PIK3CG: variants seen among roughly 807,000 people sequenced by gnomAD.
PIK3CG encodes the protein phosphatidylinositol-4,5-bisphosphate 3-kinase catalytic subunit gamma.
PIK3CG carries 55 observed loss-of-function variants against 102.3 expected under a neutral mutation model. The ratio of observed to expected loss-of-function variants is 0.54; its 90% CI spans 0.43 to 0.67. The LOEUF is 0.67. PIK3CG is among the 30% of genes least tolerant of loss of function. PIK3CG has a pLI of 0.00. For synonymous variants in PIK3CG, 552 were observed against 540.0 expected (o/e 1.02, Z -0.31); for missense variants, 1,258 against 1,391.8 (o/e 0.90, Z 1.53).
At chr7:106,896,860 CT>C (rs1010803346) in intron 10 of PIK3CG, among the ~76,000 whole-genome samples, 13 of 152,186 alleles carry the variant, frequency 8.5e-5, no homozygotes, top group African/African-American at 3.1e-4. Flanking sequence ...GATGTGTACC[CT>C]GCCCAGCCTT....
intron 10 of PIK3CG, among the ~76,000 whole-genome samples, chr7:106,901,280 G>A (rs1470611603): frequency 1.7e-5 from 2 of 121,000 alleles, no homozygotes; most frequent in African/African-American, 6.2e-5. Context: ...CTTTATTTTT[G>A]TCTGACTGTC....
At position 106,906,925 on chromosome 7, in the gene PIK3CG, T is replaced by C; in HGVS notation, c.*1538T>C. Reference sequence around the variant, plus strand: ...ACAGGGACACTTTTTAAAAACACTCTTATCAGCCTGGGCAACACAGTGAGA... The same window carrying C: ...ACAGGGACACTTTTTAAAAACACTCCTATCAGCCTGGGCAACACAGTGAGA... On this transcript the variant is annotated 3_prime_UTR_variant, in exon 11 of 11. Transcript: ENST00000496166. The C allele has an allele frequency of 4.4e-6, 1 of 225,430 alleles. No individual in the cohort carries two copies. The highest frequency in any genetic ancestry group is 8.8e-6 in the Non-Finnish European group (1 of 113,590). The allele number at this position is 225,430 out of a possible 1,614,324, so 14.0% of individuals were successfully genotyped here. A position where few individuals can be genotyped will look rare whatever the true frequency, so the allele number is the denominator to read the frequency against.
At position 106,892,724 on chromosome 7, in the gene PIK3CG, A is replaced by G. The variant is rs1791296113; in HGVS notation, c.3030+6432A>G. 6.6e-6 allele frequency among the ~76,000 whole-genome samples: 1 copy of G among 152,196 alleles called. No homozygotes were observed. Among genetic ancestry groups the G allele is most frequent in the Non-Finnish European group, 1.5e-5 (1 of 68,032 alleles). The stretch of plus-strand genomic sequence containing the variant: ...TAAGAGTGTCCACAGTGGTTTGCAG[A>G]GGGAGCAATTAATCCTGCCCTAGAG... On this transcript the variant is annotated intron_variant, in intron 10 of 10. Coordinates refer to ENST00000496166, the MANE Select transcript of PIK3CG (RefSeq NM_001282426.2). This position sits in a 1 kb window ranked among gnomAD's most constrained non-coding sequence, Gnocchi z 5.2.
chr7:106,887,410 T>C (rs1791130484), intron 10 of PIK3CG, among the ~76,000 whole-genome samples: 1 of 152,204 alleles, frequency 6.6e-6, no homozygotes, highest in Non-Finnish European at 1.5e-5. Context: ...CCTGAGTCTC[T>C]TCTTGAGTCC....
rs1356495027 is a variant in PIK3CG, at chr7:106,867,837, A to G, written c.276A>G (p.Gly92=). 1.2e-6 allele frequency: 2 copies of G among 1,612,606 alleles called. No individual in the cohort carries two copies. The highest frequency in any genetic ancestry group is 1.7e-6 in the Non-Finnish European group (2 of 1,179,964). Residue 92 remains glycine, a synonymous_variant, in exon 2 of 11, where the codon GGA becomes GGG. Coordinates refer to ENST00000496166, the MANE Select transcript of PIK3CG (RefSeq NM_001282426.2). This position sits in a 1 kb window ranked among gnomAD's most constrained non-coding sequence, Gnocchi z 5.1. ...SVAADFYHRL[G]PHHFLLLYQK... ...CGGCGGACTTCTACCACCGGCTGGGACCGCATCACTTCCTCCTGCTCTATC... is the reference window on the plus strand; with the variant it reads ...CGGCGGACTTCTACCACCGGCTGGGGCCGCATCACTTCCTCCTGCTCTATC...
intron 1 of PIK3CG, chr7:106,865,874 T>C (rs1790262897): frequency 6.6e-6 from 1 of 152,224 alleles, no homozygotes; most frequent in Non-Finnish European, 1.5e-5. Flanking sequence ...CTGCCTAAAT[T>C]TGGACATGTT....
chr7:106,879,792 ACAT>A lies in PIK3CG; in HGVS notation c.2538+131_2538+133del. 1 of 726,052 alleles carries A rather than the reference ACAT, an allele frequency of 1.4e-6. No individual in the cohort carries two copies. The highest frequency in any genetic ancestry group is 2.3e-6 in the Non-Finnish European group (1 of 444,282). 45.0% of individuals were successfully genotyped at this position (726,052 alleles called of 1,614,324 possible). Reference sequence around the variant, plus strand: ...AAGTGATGAATTGTGATCAAATATTACATCATAGAGAGTTTTCACTTGGGGAAT... The same window carrying A: ...AAGTGATGAATTGTGATCAAATATTACATAGAGAGTTTTCACTTGGGGAAT... On this transcript the variant is annotated intron_variant, in intron 6 of 10. Coordinates refer to ENST00000496166, the MANE Select transcript of PIK3CG (RefSeq NM_001282426.2). The surrounding 1 kb of genome is among the most constrained non-coding windows in gnomAD (Gnocchi z 4.9).
chr7:106,874,816 T>G lies in PIK3CG; in HGVS notation c.2391+13T>G. On this transcript the variant is annotated intron_variant, in intron 5 of 10. Transcript: ENST00000496166. The surrounding 1 kb of genome is among the most constrained non-coding windows in gnomAD (Gnocchi z 4.3). ...AGGAGCGCTGGCAGTAGGTATCACT[T>G]GGATGTCTCCATGTGGTCTTTATGT... 1 of 1,548,350 alleles carries G rather than the reference T, an allele frequency of 6.5e-7. No individual in the cohort carries two copies. The highest frequency in any genetic ancestry group is 8.9e-7 in the Non-Finnish European group (1 of 1,120,836).
intron 10 of PIK3CG, among the ~76,000 whole-genome samples, chr7:106,904,388 G>T (rs969004708): frequency 1.3e-5 from 2 of 152,040 alleles, no homozygotes; most frequent in African/African-American, 4.8e-5. Flanking sequence ...TTATTCTCAT[G>T]TTGTAAAATT....
rs1485733521 is a variant in PIK3CG at position 106,880,061 on chromosome 7, C to A, written c.2538+396C>A. ...TTTTAGATACATCTCCTCTGATGCA[C>A]ATAAACAAATCAAGCAAATGATTTT... On this transcript the variant is annotated intron_variant, in intron 6 of 10. Coordinates refer to ENST00000496166, the MANE Select transcript of PIK3CG (RefSeq NM_001282426.2). The surrounding 1 kb of genome is among the most constrained non-coding windows in gnomAD (Gnocchi z 4.2). Among the ~76,000 whole-genome samples the A allele has an allele frequency of 6.6e-6, 1 of 152,148 alleles. No individual in the cohort carries two copies. Among genetic ancestry groups the A allele is most frequent in the Non-Finnish European group, 1.5e-5 (1 of 68,024 alleles).
Position 106,883,009 on chromosome 7 carries a change from C to G in PIK3CG, c.2630-24C>G, listed in dbSNP as rs1157390157. 6.2e-7 allele frequency: 1 copy of G among 1,608,112 alleles called. No homozygotes were observed. Among genetic ancestry groups the G allele is most frequent in the Non-Finnish European group, 8.5e-7 (1 of 1,176,526 alleles). The stretch of plus-strand genomic sequence containing the variant: ...CCAGGTACTGGCCCCCAATCTCCAT[C>G]AGACTCTGTGCATCCTTCTGTAGGA... On this transcript the variant is annotated intron_variant, in intron 7 of 10. Transcript: ENST00000496166. The surrounding 1 kb of genome is among the most constrained non-coding windows in gnomAD (Gnocchi z 5.8).
At chr7:106,873,514 G>T (rs1366913293) in intron 4 of PIK3CG, among the ~76,000 whole-genome samples, 1 of 152,138 alleles carries the variant, frequency 6.6e-6, no homozygotes, top group African/African-American at 2.4e-5. Context: ...AAACAGTACA[G>T]TGTAACAACT....
chr7:106,875,644 T>G (rs1328819993), intron 5 of PIK3CG, among the ~76,000 whole-genome samples: 1 of 152,212 alleles, frequency 6.6e-6, no homozygotes, highest in African/African-American at 2.4e-5. Flanking sequence ...TTAAGATTCA[T>G]TCATGTTATT....
rs2116527725 is a variant in PIK3CG, at chr7:106,879,987, A to T, written c.2538+322A>T. On this transcript the variant is annotated intron_variant, in intron 6 of 10. Transcript: ENST00000496166. This position sits in a 1 kb window ranked among gnomAD's most constrained non-coding sequence, Gnocchi z 4.9. ...GAAAATAGCCATATTTATCCCCAGCACTCACTTCATTCCTGCCCATAGACA... is the reference window on the plus strand; with the variant it reads ...GAAAATAGCCATATTTATCCCCAGCTCTCACTTCATTCCTGCCCATAGACA... Among the ~76,000 whole-genome samples the T allele has an allele frequency of 6.6e-6, 1 of 152,172 alleles. No individual in the cohort carries two copies. Among genetic ancestry groups the T allele is most frequent in the South Asian group, 2.1e-4 (1 of 4,812 alleles).
At chr7:106,882,507 C>G in intron 7 of PIK3CG, 1 of 223,916 alleles carries the variant, frequency 4.5e-6, no homozygotes, top group Non-Finnish European at 8.6e-6. Flanking sequence ...TTAAACTTTT[C>G]TCTCACAAAA....
intron 10 of PIK3CG, among the ~76,000 whole-genome samples, chr7:106,888,676 G>A (rs535546461): frequency 6.6e-6 from 1 of 152,310 alleles, no homozygotes; most frequent in South Asian, 2.1e-4. Context: ...ACTTGTGTGT[G>A]TCCGTGTTTT....
chr7:106,893,144 A>G lies in PIK3CG; in HGVS notation c.3030+6852A>G, dbSNP rs1483786403. On this transcript the variant is annotated intron_variant, in intron 10 of 10. Coordinates refer to ENST00000496166, the MANE Select transcript of PIK3CG (RefSeq NM_001282426.2). The surrounding 1 kb of genome is among the most constrained non-coding windows in gnomAD (Gnocchi z 4.4). The stretch of plus-strand genomic sequence containing the variant: ...AGGTCAAGCAGGAGATGACCAGTTC[A>G]TCTGTCACCCATAATGTACTGAGCT... 1.3e-5 allele frequency among the ~76,000 whole-genome samples: 2 copies of G among 152,146 alleles called. No homozygotes were observed. The highest frequency in any genetic ancestry group is 4.8e-5 in the African/African-American group (2 of 41,416).
intron 10 of PIK3CG, among the ~76,000 whole-genome samples, chr7:106,904,207 A>C (rs1408003687): frequency 1.3e-5 from 2 of 152,212 alleles, no homozygotes; most frequent in Admixed American, 6.5e-5. Flanking sequence ...ATGTTAATGC[A>C]GTACCTTATG....
Position 106,889,468 on chromosome 7 carries a change from A to C in PIK3CG, c.3030+3176A>C, listed in dbSNP as rs569073291. Among the ~76,000 whole-genome samples, 22 of 152,296 alleles carry C rather than the reference A, an allele frequency of 1.4e-4. No homozygotes were observed. In the East Asian group the frequency reaches 1.5e-3, roughly 11 times the overall value. On this transcript the variant is annotated intron_variant, in intron 10 of 10. Transcript: ENST00000496166. ...GGGACCACATCTCTAAATTCTCCAAATAATGTCTCAGAATCTTGTATAATA... is the reference window on the plus strand; with the variant it reads ...GGGACCACATCTCTAAATTCTCCAACTAATGTCTCAGAATCTTGTATAATA...
Sources: gnomAD v4.1 joint callset for allele counts (sites outside exome capture counted in the v4.1 genomes callset) on GRCh38, gnomAD v4.1.1 for gene constraint, Gnocchi (gnomAD v3.1) non-coding constraint, MANE v1.5 for transcripts, NCBI Gene and HGNC (gene_info 2026-07-23, HGNC 2026-07-21) for gene names.